Variants in ESR1 observed in about 807,000 individuals in gnomAD.
ESR1 encodes the protein estrogen receptor 1.
In ESR1, 12 loss-of-function variants were observed where a neutral mutation model predicts 52.7. That is an observed-to-expected ratio of 0.23 (90% confidence interval 0.15 to 0.37). The LOEUF is 0.37. Ranked by LOEUF, ESR1 falls within the 10% of genes least tolerant of loss-of-function variation. ESR1 has a pLI of 1.00. For missense variants in ESR1, 584 were observed against 779.7 expected, an observed-to-expected ratio of 0.75 and a Z score of 2.99; for synonymous variants, 305 against 316.8, an observed-to-expected ratio of 0.96 and a Z score of 0.39.
chr6:151,701,764 TC>T (rs1314629275), intron 1 of ESR1: 1 of 152,204 alleles, frequency 6.6e-6, no homozygotes, highest in African/African-American at 2.4e-5. Context: ...AGACTACTTT[TC>T]TTTTTAACAG....
chr6:151,660,646 G>A (rs960153417), intron 1 of ESR1, among the ~76,000 whole-genome samples: 3 of 152,310 alleles, frequency 2.0e-5, no homozygotes, highest in Non-Finnish European at 4.4e-5. Flanking sequence ...CTCTTTGGCT[G>A]AGTGGACAAC....
At chr6:151,744,820 C>T (rs1343762686) in intron 2 of ESR1, among the ~76,000 whole-genome samples, 1 of 152,186 alleles carries the variant, frequency 6.6e-6, no homozygotes. Context: ...ACTCTGTTTT[C>T]CTCTAAGAGT....
chr6:151,944,588 G>C, intron 4 of ESR1, 80 bp downstream of exon 4: 1 of 1,285,030 alleles, frequency 7.8e-7, no homozygotes, highest in Non-Finnish European at 1.1e-6. Context: ...AATAGTGGGG[G>C]AAAAAGAAGC....
At chr6:152,029,023 G>C (rs1047263023) in intron 5 of ESR1, among the ~76,000 whole-genome samples, 14 of 152,178 alleles carry the variant, frequency 9.2e-5, no homozygotes, top group African/African-American at 3.4e-4. Context: ...TGATACCCAG[G>C]CAAACAGGGT....
chr6:152,028,003 GTGTGGTGGCAGGCACC>G (rs963039880), intron 5 of ESR1, among the ~76,000 whole-genome samples: 1 of 152,096 alleles, frequency 6.6e-6, no homozygotes, highest in African/African-American at 2.4e-5. Context: ...ATATAGCCAG[GTGTGGTGGCAGGCACC>G]TGTAGTCCCA....
intron 3 of ESR1, among the ~76,000 whole-genome samples, chr6:151,906,734 T>G (rs146698829): frequency 6.7e-6 from 1 of 149,090 alleles, no homozygotes; most frequent in Non-Finnish European, 1.5e-5. Context: ...CTTTATGGTA[T>G]CATCTGTTTC....
chr6:152,066,992 T>G (rs3778085), intron 6 of ESR1, among the ~76,000 whole-genome samples: 33,592 of 152,182 alleles, frequency 0.22, 5,427 homozygotes, highest in African/African-American at 0.44. Context: ...TGAGTGTTAC[T>G]AAGCTTTAGT....
At chr6:152,062,893 A>G (rs1437538724) in intron 6 of ESR1, among the ~76,000 whole-genome samples, 1 of 152,216 alleles carries the variant, frequency 6.6e-6, no homozygotes, top group Non-Finnish European at 1.5e-5. Context: ...CCAGATCCAT[A>G]TAGACTTTTC....
intron 3 of ESR1, among the ~76,000 whole-genome samples, chr6:151,907,498 AG>A (rs1192432350): frequency 2.0e-5 from 3 of 152,006 alleles, no homozygotes; most frequent in African/African-American, 7.2e-5. Context: ...AAATTGTTTC[AG>A]GTATGTCTTT....
At chr6:151,862,706 G>T (rs770034976) in intron 2 of ESR1, among the ~76,000 whole-genome samples, 4 of 152,036 alleles carry the variant, frequency 2.6e-5, no homozygotes, top group African/African-American at 7.2e-5. Flanking sequence ...TCTTTGCTGG[G>T]GTATCTGAAG....
rs574581355 is a variant in ESR1 at position 151,713,752 on chromosome 6, A to C, written c.-71+11747A>C. ...TTTCTTCTTTATTAGTCTGGCTAGC[A>C]GTCTATCTATTTTGTTAATCTTTTC... On this transcript the variant is annotated intron_variant, in intron 2 of 2. Coordinates refer to the ESR1 transcript ENST00000404742. Among the ~76,000 whole-genome samples the C allele has an allele frequency of 7.2e-5, 11 of 151,842 alleles. No homozygotes were observed. In the East Asian group the frequency reaches 2.1e-3, roughly 29 times the overall value.
At chr6:151,971,595 T>C (rs1367152008) in intron 4 of ESR1, among the ~76,000 whole-genome samples, 1 of 152,150 alleles carries the variant, frequency 6.6e-6, no homozygotes, top group Non-Finnish European at 1.5e-5. Flanking sequence ...AATTTAAAAA[T>C]TCTTTGAGCT....
upstream of ESR1, among the ~76,000 whole-genome samples, chr6:151,803,879 A>G (rs554207136): frequency 3.0e-4 from 46 of 152,296 alleles, no homozygotes; most frequent in South Asian, 6.2e-4. Flanking sequence ...GACACGGGGA[A>G]GTTGAGAGGA....
At chr6:152,025,506 G>A (rs939425572) in intron 5 of ESR1, among the ~76,000 whole-genome samples, 1 of 151,606 alleles carries the variant, frequency 6.6e-6, no homozygotes, top group African/African-American at 2.4e-5. Context: ...TTTCTTCTTG[G>A]TATTCCAATT....
chr6:151,715,600 A>C (rs768045839), intron 2 of ESR1, among the ~76,000 whole-genome samples: 11 of 152,090 alleles, frequency 7.2e-5, no homozygotes, highest in Non-Finnish European at 1.5e-4. Flanking sequence ...AATCTCTGAT[A>C]TCCTTTCTTT....
chr6:152,086,329 A>C (rs1389225813), intron 6 of ESR1, among the ~76,000 whole-genome samples: 1 of 151,572 alleles, frequency 6.6e-6, no homozygotes, highest in African/African-American at 2.4e-5. Context: ...AAAAGCTATT[A>C]GGCTATAATA....
At chr6:151,890,779 T>C (rs1185871236) in intron 3 of ESR1, among the ~76,000 whole-genome samples, 1 of 152,234 alleles carries the variant, frequency 6.6e-6, no homozygotes, top group Non-Finnish European at 1.5e-5. Context: ...TTAAAGCCTA[T>C]TTTATTTGAT....
intron 3 of ESR1, among the ~76,000 whole-genome samples, chr6:151,919,820 A>G (rs1224701227): frequency 1.3e-5 from 2 of 152,166 alleles, no homozygotes; most frequent in African/African-American, 4.8e-5. Flanking sequence ...GATGAGTAGG[A>G]GTTAAGTAAG....
rs2038095546 is a variant in ESR1, at chr6:151,964,866, T to C, written c.1096+20358T>C. 2.0e-5 allele frequency among the ~76,000 whole-genome samples: 3 copies of C among 152,214 alleles called. No individual in the cohort carries two copies. The South Asian group carries it at 6.2e-4, about 32-fold the overall frequency. On this transcript the variant is annotated intron_variant, in intron 4 of 7. Coordinates refer to ENST00000206249, the MANE Select transcript of ESR1 (RefSeq NM_000125.4). Reference sequence around the variant, plus strand: ...ACTGTGTTAGCCAGGATGGTCTCGATCTCCTGACCTCGTGATCCACCCGCC... The same window carrying C: ...ACTGTGTTAGCCAGGATGGTCTCGACCTCCTGACCTCGTGATCCACCCGCC...
Sources: allele counts gnomAD v4.1 joint callset (sites outside exome capture counted in the v4.1 genomes callset), GRCh38; gene constraint gnomAD v4.1.1; transcripts MANE v1.5; gene names NCBI Gene and HGNC (gene_info 2026-07-23, HGNC 2026-07-21).